Variants in STAB1 observed in about 807,000 individuals in gnomAD.
STAB1 encodes stabilin-1.
In STAB1, 250 loss-of-function variants were observed where a neutral mutation model predicts 332.4. The observed-to-expected ratio is 0.75, with a 90% CI of 0.68 to 0.84. The LOEUF (loss-of-function observed/expected upper bound fraction) is 0.84. STAB1 is among the 40% of genes least tolerant of loss of function. The pLI is 0.00. For missense variants in STAB1, 3,249 were observed against 3,489.7 expected, an observed-to-expected ratio of 0.93 and a Z score of 1.74; for synonymous variants, 1,475 against 1,390.4, an observed-to-expected ratio of 1.06 and a Z score of -1.35.
intron 17 of STAB1, 23 bp from the exon 18 acceptor site, chr3:52,506,669 G>A: frequency 6.3e-7 from 1 of 1,592,808 alleles, no homozygotes; most frequent in South Asian, 1.1e-5. Context: ...GCTGGGGGTT[G>A]GCTCAGTGGG....
At chr3:52,499,823 C>T (rs1578346492) in intron 1 of STAB1, among the ~76,000 whole-genome samples, 1 of 126,914 alleles carries the variant, frequency 7.9e-6, no homozygotes, top group East Asian at 2.7e-4. Context: ...GGCGTGAACC[C>T]GGGAGGCGGA....
In STAB1 at chr3:52,522,185, C is replaced by T. The variant is rs1352273264; in HGVS notation, c.6420C>T (p.His2140=). Residue 2140 remains histidine, a synonymous_variant, in exon 59 of 69, where the codon CAC becomes CAT. Transcript: ENST00000321725. Reference sequence around the variant, plus strand: ...CCCGCAACCCCTGCACAGATGGCCACCGCGGGGGCTGCAGCGAGCACGCCA... The same window carrying T: ...CCCGCAACCCCTGCACAGATGGCCATCGCGGGGGCTGCAGCGAGCACGCCA... ...CRARNPCTDG[H]RGGCSEHANC... is the part of the protein sequence containing the mutation. The T allele has an allele frequency of 6.2e-7, 1 of 1,612,684 alleles. No homozygotes were observed. Among genetic ancestry groups the T allele is most frequent in the Non-Finnish European group, 8.5e-7 (1 of 1,179,962 alleles).
At position 52,509,290 on chromosome 3, in the gene STAB1, C is replaced by T; in HGVS notation, c.2316C>T (p.Asn772=). The change falls in exon 22 of 69, where the codon AAC becomes AAT. Residue 772 remains asparagine (N), a synonymous_variant. Coordinates refer to ENST00000321725, the MANE Select transcript of STAB1 (RefSeq NM_015136.3). ...YKGIACHICS[N]PNKHGEQCQE... ...GCATCGCCTGCCACATCTGCTCGAACCCAAACAAGCATGGAGAGCAATGCC... is the reference window on the plus strand; with the variant it reads ...GCATCGCCTGCCACATCTGCTCGAATCCAAACAAGCATGGAGAGCAATGCC... The T allele has an allele frequency of 2.5e-6, 4 of 1,613,652 alleles. No individual in the cohort carries two copies. The South Asian group carries it at 3.3e-5, about 13-fold the overall frequency.
rs571274577 is a variant in STAB1 at position 52,522,287 on chromosome 3, C to A, written c.6466-43C>A. On this transcript the variant is annotated intron_variant, in intron 59 of 68. Transcript: ENST00000321725. Reference sequence around the variant, plus strand: ...TGGGGAGGCCTGGCAGAACTTCCGACCTCTGAAGGGTGAAGGGCGCCCACT... The same window carrying A: ...TGGGGAGGCCTGGCAGAACTTCCGAACTCTGAAGGGTGAAGGGCGCCCACT... 102 of 1,611,790 alleles carry A rather than the reference C, an allele frequency of 6.3e-5. 2 individuals carry two copies. In the South Asian group the frequency reaches 9.8e-4, roughly 15 times the overall value.
intron 1 of STAB1, among the ~76,000 whole-genome samples, chr3:52,499,509 C>T (rs1172001995): frequency 6.6e-6 from 1 of 152,260 alleles, no homozygotes; most frequent in African/African-American, 2.4e-5. Flanking sequence ...CTGTCCCTGC[C>T]TTGGCCCAGG....
intron 3 of STAB1, 126 bp from the exon 4 acceptor site, chr3:52,501,880 C>G: frequency 1.4e-6 from 2 of 1,407,320 alleles, no homozygotes; most frequent in Non-Finnish European, 2.0e-6. Flanking sequence ...CGAGCGCCTC[C>G]AAGGCTCGGC....
intron 21 of STAB1, chr3:52,508,624 C>A (rs542074642): frequency 2.3e-6 from 1 of 426,590 alleles, no homozygotes; most frequent in South Asian, 2.0e-5. Flanking sequence ...GAGTTCAAGA[C>A]CAGCCTGGTC....
chr3:52,523,847 AAC>A (rs2079169062), intron 66 of STAB1, 22 bp from the exon 67 acceptor site: 3 of 1,589,786 alleles, frequency 1.9e-6, no homozygotes, highest in African/African-American at 1.3e-5. Flanking sequence ...CCGCCAGGTC[AAC>A]ACTCTCCCTG....
chr3:52,506,835 G>T lies in STAB1; in HGVS notation c.1974G>T (p.Gln658His). The T allele has an allele frequency of 6.2e-7, 1 of 1,613,036 alleles. No homozygotes were observed. The change falls in exon 18 of 69, where the codon CAG (glutamine) becomes CAT (histidine). Residue 658 changes from glutamine (Q) to histidine (H), a missense_variant. Gln to His is a conservative substitution (Grantham distance 24, BLOSUM62 0). Coordinates refer to ENST00000321725, the MANE Select transcript of STAB1 (RefSeq NM_015136.3). ...TGCCCAAGCACTGCAGCGAGGAGCAGCACAAGATTGTGGCGGTGAGCCTCG... is the reference window on the plus strand; with the variant it reads ...TGCCCAAGCACTGCAGCGAGGAGCATCACAAGATTGTGGCGGTGAGCCTCG... ...PILPKHCSEE[Q>H]HKIVAGSCVD...
Position 52,509,967 on chromosome 3 carries a change from C to T in STAB1, c.2445C>T (p.Cys815=), listed in dbSNP as rs1351319149. 6.2e-7 allele frequency: 1 copy of T among 1,612,050 alleles called. No individual in the cohort carries two copies. The highest frequency in any genetic ancestry group is 2.2e-5 in the East Asian group (1 of 44,878). Residue 815 remains cysteine (C), a synonymous_variant, in exon 23 of 69, where the codon TGC becomes TGT. Coordinates refer to ENST00000321725, the MANE Select transcript of STAB1 (RefSeq NM_015136.3). The part of the protein sequence containing the change: ...TCAPGFSGRF[C]NESMGDCGPT... ...CCCCTGGCTTCAGTGGCCGGTTCTG[C>T]AACGAGTCCATGGGGGACTGTGGGC...
chr3:52,509,164 A>G, intron 21 of STAB1, 46 bp from the exon 22 acceptor site: 4 of 1,569,428 alleles, frequency 2.5e-6, no homozygotes, highest in South Asian at 1.1e-5. Context: ...GGGGATGTAG[A>G]GAGTCCCTTT....
In STAB1 at chr3:52,514,457, C is replaced by A; in HGVS notation, c.3639C>A (p.Gly1213=). The change falls in exon 34 of 69, where the codon GGC becomes GGA. Residue 1213 remains glycine, a synonymous_variant. Coordinates refer to ENST00000321725, the MANE Select transcript of STAB1 (RefSeq NM_015136.3). The stretch of plus-strand genomic sequence containing the variant: ...GTGGACACCGCAACTCCCTCCTGGG[C>A]CCTGCCCACTGGATCGTCTTCTACA... ...RKGGHRNSLL[G]PAHWIVFYNH... 1.3e-6 allele frequency: 2 copies of A among 1,545,742 alleles called. No homozygotes were observed. The highest frequency in any genetic ancestry group is 1.3e-5 in the South Asian group (1 of 79,414).
In STAB1 at chr3:52,509,856, T is replaced by A. The variant is rs746143181; in HGVS notation, c.2348-14T>A. The A allele has an allele frequency of 1.2e-6, 2 of 1,612,764 alleles. No individual in the cohort carries two copies. Among genetic ancestry groups the A allele is most frequent in the African/African-American group, 2.7e-5 (2 of 74,916 alleles). On this transcript the variant is annotated splice_polypyrimidine_tract_variant and intron_variant, in intron 22 of 68. Transcript: ENST00000321725. ...CTGCTTCTCAGTTTCCTTGCTCCCA[T>A]CTACTCCATACAGACTGCGGCTGTG...
rs750035881 is a variant in STAB1, at chr3:52,502,149, C to A, written c.418-10C>A. On this transcript the variant is annotated splice_polypyrimidine_tract_variant and intron_variant, in intron 4 of 68. Transcript: ENST00000321725. ...GAGGGGCCACGCTGACTTGGTGCAT[C>A]CACCACCAGGAAAACTTCCGCGGCT... 44 of 1,613,422 alleles carry A rather than the reference C, an allele frequency of 2.7e-5. No homozygotes were observed. The highest frequency in any genetic ancestry group is 3.5e-5 in the Non-Finnish European group (41 of 1,180,012).
Position 52,523,075 on chromosome 3 carries a change from T to C in STAB1, c.6961T>C (p.Cys2321Arg). 6.4e-7 allele frequency: 1 copy of C among 1,571,548 alleles called. No homozygotes were observed. The highest frequency in any genetic ancestry group is 1.7e-4 in the Middle Eastern group (1 of 5,858). The change falls in exon 63 of 69, where the codon TGC becomes CGC. Residue 2321 changes from cysteine (C) to arginine (R), a missense_variant. Transcript: ENST00000321725. The stretch of plus-strand genomic sequence containing the variant: ...CTTCGTGGGTGACGGGATCAGCACG[T>C]GCAATGGGAAGCTGCTGGATGTGCT... ...NGFVGDGIST[C>R]NGKLLDVLAA...
At chr3:52,501,389 A>T in intron 2 of STAB1, 87 bp downstream of exon 2, 1 of 1,557,284 alleles carries the variant, frequency 6.4e-7, no homozygotes, top group Non-Finnish European at 8.7e-7. Flanking sequence ...CCACAAAATG[A>T]GGAGAAGCAC....
At chr3:52,509,074 T>C (rs1709097638) in intron 21 of STAB1, 136 bp from the exon 22 acceptor site, 1 of 762,856 alleles carries the variant, frequency 1.3e-6, no homozygotes, top group Non-Finnish European at 2.0e-6. Context: ...ATCAGTGATT[T>C]TGAAGATCCC....
chr3:52,512,179 G>A (rs1709343993), intron 26 of STAB1, among the ~76,000 whole-genome samples, 162 bp from the exon 27 acceptor site: 1 of 152,282 alleles, frequency 6.6e-6, no homozygotes, highest in African/African-American at 2.4e-5. Flanking sequence ...CTGGAGAGCA[G>A]GGCTAGGCAC....
At position 52,505,936 on chromosome 3, in the gene STAB1, G is replaced by C; in HGVS notation, c.1749G>C (p.Gln583His). 6.2e-7 allele frequency: 1 copy of C among 1,613,628 alleles called. No individual in the cohort carries two copies. Among genetic ancestry groups the C allele is most frequent in the Non-Finnish European group, 8.5e-7 (1 of 1,180,044 alleles). The change falls in exon 16 of 69, where the codon CAG (glutamine) becomes CAC (histidine). Residue 583 changes from glutamine (Q) to histidine (H), a missense_variant and splice_region_variant. By Grantham distance (24) the Gln-to-His change is conservative (BLOSUM62 0). Coordinates refer to ENST00000321725, the MANE Select transcript of STAB1 (RefSeq NM_015136.3). Reference protein sequence around the residue: ...LVRYHIYNHGQLTVEKLISKG... With the variant: ...LVRYHIYNHGHLTVEKLISKG... ...GGTACCACATCTACAACCACGGCCA[G>C]GTGCGAGGTCTTTTTCTGGGGGGCG...
Sources: allele counts gnomAD v4.1 joint callset (sites outside exome capture counted in the v4.1 genomes callset), GRCh38; gene constraint gnomAD v4.1.1; transcripts MANE v1.5; gene names NCBI Gene and HGNC (gene_info 2026-07-23, HGNC 2026-07-21).